The following EDRF1 variants were observed in gnomAD, a reference collection of about 807,000 sequenced individuals.
The protein encoded by EDRF1 is erythroid differentiation-related factor 1.
EDRF1 carries 69 observed loss-of-function variants against 148.7 expected under a neutral mutation model. The ratio of observed to expected loss-of-function variants is 0.46; its 90% CI spans 0.38 to 0.57. EDRF1 has a LOEUF of 0.57. EDRF1 is among the 20% of genes least tolerant of loss of function. The probability of loss-of-function intolerance (pLI) is 0.00; values close to 1 mark genes in which losing one functional copy is unlikely to be tolerated. For synonymous variants in EDRF1, 515 were observed against 532.8 expected (o/e 0.97, Z 0.46); for missense variants, 1,118 against 1,478.7 (o/e 0.76, Z 4.00).
rs1281147395 is a variant in EDRF1 at position 125,740,480 on chromosome 10, G to C, written c.1999G>C (p.Gly667Arg). 1.2e-6 allele frequency: 2 copies of C among 1,613,902 alleles called. No homozygotes were observed. The highest frequency in any genetic ancestry group is 1.1e-5 in the South Asian group (1 of 91,052). The stretch of plus-strand genomic sequence containing the variant: ...TGTCACAGTGGGCTCCCTTCAGAAG[G>C]GCAATTATTCCAGTCAATCTGGAAT... Reference protein sequence around the residue: ...FLDKMGSLQKGNYSSQSGMIP... With the variant: ...FLDKMGSLQKRNYSSQSGMIP... The change falls in exon 16 of 25, where the codon GGC (glycine) becomes CGC (arginine). Residue 667 changes from glycine (G) to arginine (R), a missense_variant. Around this residue, in one of 3 missense-constraint regions of EDRF1, gnomAD observed 954 missense variants for 1,241.4 expected, o/e 0.77. Coordinates refer to ENST00000356792, the MANE Select transcript of EDRF1 (RefSeq NM_001202438.2).
intron 6 of EDRF1, 98 bp from the exon 7 acceptor site, chr10:125,728,905 A>T (rs1848379523): frequency 1.1e-6 from 1 of 902,146 alleles, no homozygotes; most frequent in Non-Finnish European, 1.6e-6. Context: ...GTAGATTTGA[A>T]GTGTGTGCTT....
At chr10:125,740,713 T>G in intron 16 of EDRF1, 62 bp downstream of exon 16, 1 of 1,521,020 alleles carries the variant, frequency 6.6e-7, no homozygotes, top group Non-Finnish European at 9.1e-7. Flanking sequence ...AGAAGGCATC[T>G]GAATCACAGT....
intron 11 of EDRF1, 137 bp downstream of exon 11, chr10:125,733,880 G>A: frequency 1.1e-6 from 1 of 914,120 alleles, no homozygotes; most frequent in South Asian, 1.5e-5. Context: ...CGTACACATT[G>A]TACCAAATAT....
At chr10:125,751,798 A>G (rs978670458) in intron 22 of EDRF1, 3 of 152,206 alleles carry the variant, frequency 2.0e-5, no homozygotes, top group Non-Finnish European at 4.4e-5. Context: ...CTTAACAATG[A>G]AAGGATGTAC....
Position 125,725,850 on chromosome 10 carries a change from A to G in EDRF1, c.792+12A>G. 6.2e-7 allele frequency: 1 copy of G among 1,612,008 alleles called. No individual in the cohort carries two copies. Among genetic ancestry groups the G allele is most frequent in the Non-Finnish European group, 8.5e-7 (1 of 1,179,878 alleles). On this transcript the variant is annotated intron_variant, in intron 6 of 24. Coordinates refer to ENST00000356792, the MANE Select transcript of EDRF1 (RefSeq NM_001202438.2). ...GTGCTTCCAGTCAGGTTAGTACTTAAATGCTAATTCTAGAAACTCACATAG... is the reference window on the plus strand; with the variant it reads ...GTGCTTCCAGTCAGGTTAGTACTTAGATGCTAATTCTAGAAACTCACATAG...
intron 2 of EDRF1, 134 bp downstream of exon 2, chr10:125,721,546 C>G: frequency 1.1e-6 from 1 of 883,518 alleles, no homozygotes; most frequent in Non-Finnish European, 1.8e-6. Flanking sequence ...ATTTGATTTT[C>G]AAAGGCTTTT....
At chr10:125,733,603 G>A (rs747613403) in intron 10 of EDRF1, 32 bp from the exon 11 acceptor site, 10 of 1,610,570 alleles carry the variant, frequency 6.2e-6, no homozygotes, top group Non-Finnish European at 8.5e-6. Flanking sequence ...GGTAACTGCT[G>A]TGAAATGAGT....
At chr10:125,740,314 C>G (rs1168626912) in intron 15 of EDRF1, 149 bp from the exon 16 acceptor site, 6 of 851,436 alleles carry the variant, frequency 7.0e-6, no homozygotes, top group Non-Finnish European at 1.1e-5. Flanking sequence ...CCATTTCACT[C>G]CAGTGTATTT....
chr10:125,728,621 A>G (rs552776396), intron 6 of EDRF1, among the ~76,000 whole-genome samples: 48 of 152,248 alleles, frequency 3.2e-4, no homozygotes, highest in Non-Finnish European at 5.4e-4. Context: ...CCTCCCACAT[A>G]GCTTGGACTA....
chr10:125,740,799 A>G (rs970881184), intron 16 of EDRF1, 148 bp downstream of exon 16: 38 of 1,118,938 alleles, frequency 3.4e-5, no homozygotes, highest in Non-Finnish European at 4.7e-5. Flanking sequence ...GTTACCTTCT[A>G]TTTTAGTTTC....
chr10:125,722,972 A>G (rs765231718), intron 2 of EDRF1, 96 bp from the exon 3 acceptor site: 2 of 1,013,890 alleles, frequency 2.0e-6, no homozygotes, highest in Non-Finnish European at 3.2e-6. Context: ...GAAAATGTGT[A>G]TCCTAGAAGC....
intron 17 of EDRF1, chr10:125,742,119 C>T: frequency 2.3e-6 from 2 of 852,108 alleles, no homozygotes. Flanking sequence ...AATTAACCTT[C>T]TGAATGATTC....
chr10:125,731,816 AG>A (rs1441987159), intron 9 of EDRF1: 3 of 436,296 alleles, frequency 6.9e-6, no homozygotes, highest in African/African-American at 6.3e-5. Context: ...ATTTTATCCA[AG>A]CACTTTGCTG....
chr10:125,734,483 AAAT>A (rs1848634874), intron 12 of EDRF1, among the ~76,000 whole-genome samples: 1 of 152,164 alleles, frequency 6.6e-6, no homozygotes, highest in Non-Finnish European at 1.5e-5. Context: ...TCTACTTTTT[AAAT>A]GTAGCTACTA....
chr10:125,745,485 C>T, intron 18 of EDRF1: 1 of 582,864 alleles, frequency 1.7e-6, no homozygotes, highest in Non-Finnish European at 3.1e-6. Flanking sequence ...CAGTCACATT[C>T]TAAGGAACTA....
intron 6 of EDRF1, among the ~76,000 whole-genome samples, chr10:125,727,230 A>C (rs911598715): frequency 1.4e-4 from 21 of 152,304 alleles, no homozygotes; most frequent in African/African-American, 4.8e-4. Flanking sequence ...GCAAGGCCCT[A>C]CTAACAGTCA....
chr10:125,743,050 CT>C lies in EDRF1; in HGVS notation c.2372-4del. On this transcript the variant is annotated splice_polypyrimidine_tract_variant and splice_region_variant and intron_variant, in intron 17 of 24. Coordinates refer to ENST00000356792, the MANE Select transcript of EDRF1 (RefSeq NM_001202438.2). ...ATTCGCATTGATGTATCCCTTTTTT[CT>C]TTTCAGGATTTGCATGGGCAACTGA... is the stretch of plus-strand genomic sequence containing the variant. 1 of 1,612,078 alleles carries C rather than the reference CT, an allele frequency of 6.2e-7. No individual in the cohort carries two copies. The highest frequency in any genetic ancestry group is 8.5e-7 in the Non-Finnish European group (1 of 1,179,422).
chr10:125,721,677 C>T (rs1405283938), intron 2 of EDRF1, among the ~76,000 whole-genome samples: 1 of 152,256 alleles, frequency 6.6e-6, no homozygotes, highest in Non-Finnish European at 1.5e-5. Flanking sequence ...AAAGTTCAAT[C>T]AGCCCTTTCA....
In EDRF1 at chr10:125,725,793, C is replaced by G. The variant is rs150180630; in HGVS notation, c.747C>G (p.Phe249Leu). Reference sequence around the variant, plus strand: ...AAGGGGCTTCATGGCCTGCTCCCTTCGAAATGCCTTCTTCAGTTTCTGAAG... The same window carrying G: ...AAGGGGCTTCATGGCCTGCTCCCTTGGAAATGCCTTCTTCAGTTTCTGAAG... ...DSEGASWPAP[F>L]EMPSSVSEDP... Residue 249 changes from phenylalanine (F) to leucine (L), a missense_variant, in exon 6 of 25, where the codon TTC becomes TTG. Coordinates refer to ENST00000356792, the MANE Select transcript of EDRF1 (RefSeq NM_001202438.2). 2 of 1,613,812 alleles carry G rather than the reference C, an allele frequency of 1.2e-6. No homozygotes were observed. Among genetic ancestry groups the G allele is most frequent in the South Asian group, 1.1e-5 (1 of 91,070 alleles).
Sources: allele counts gnomAD v4.1 joint callset (sites outside exome capture counted in the v4.1 genomes callset), GRCh38; gene constraint gnomAD v4.1.1; regional missense constraint gnomAD v4.1.1; transcripts MANE v1.5; gene names NCBI Gene and HGNC (gene_info 2026-07-23, HGNC 2026-07-21).